CCDC146: variants seen among roughly 807,000 people sequenced by gnomAD.
The protein encoded by CCDC146 is coiled-coil domain-containing protein 146.
A neutral mutation model predicts 119.3 loss-of-function variants in CCDC146; 92 were observed. The observed-to-expected ratio is 0.77, with a 90% confidence interval of 0.65 to 0.92. The LOEUF is 0.92. Among genes scored for constraint, CCDC146 ranks in the 40% least tolerant of loss-of-function variants. CCDC146 has a pLI of 0.00. For missense variants in CCDC146, 1,000 were observed against 1,103.0 expected (o/e 0.91, Z 1.32); for synonymous variants, 372 against 371.8 (o/e 1.00, Z -0.01).
chr7:77,149,110 G>C (rs2117440836), intron 1 of CCDC146, among the ~76,000 whole-genome samples: 1 of 152,256 alleles, frequency 6.6e-6, no homozygotes, highest in Middle Eastern at 3.4e-3. Context: ...AAACAGCATG[G>C]TACTGGCACC....
intron 1 of CCDC146, among the ~76,000 whole-genome samples, chr7:77,151,900 G>C (rs1476012835): frequency 1.3e-5 from 2 of 152,136 alleles, no homozygotes; most frequent in African/African-American, 4.8e-5. Context: ...TTTCATCCCA[G>C]TTTCAAGGAC....
rs374363890 is a variant in CCDC146, at chr7:77,286,818, A to G, written c.2169A>G (p.Arg723=). The G allele has an allele frequency of 6.2e-7, 1 of 1,613,838 alleles. No homozygotes were observed. Among genetic ancestry groups the G allele is most frequent in the Non-Finnish European group, 8.5e-7 (1 of 1,179,710 alleles). ...LQIQFSQCTD[R]IKDLEKQFVK... ...AATAGTTTTCACAGTGTACAGACAG[A>G]ATTAAAGACCTGGAGAAACAGTTCG... Residue 723 remains arginine, a synonymous_variant, in exon 16 of 19, where the codon AGA becomes AGG. Coordinates refer to ENST00000285871, the MANE Select transcript of CCDC146 (RefSeq NM_020879.3).
rs548007602 is a variant in CCDC146 at position 77,176,388 on chromosome 7, A to G, written c.156+8564A>G. On this transcript the variant is annotated intron_variant, in intron 2 of 18. Coordinates refer to ENST00000285871, the MANE Select transcript of CCDC146 (RefSeq NM_020879.3). ...ATACATTTAGGAGAGATGTTAAGGAAGTATAAAATTCTATAGACTTAGTGT... is the reference window on the plus strand; with the variant it reads ...ATACATTTAGGAGAGATGTTAAGGAGGTATAAAATTCTATAGACTTAGTGT... 3.6e-4 allele frequency among the ~76,000 whole-genome samples: 54 copies of G among 151,334 alleles called. 1 individual carries two copies. The highest frequency in any genetic ancestry group is 6.8e-3 in the Middle Eastern group (2 of 294).
chr7:77,227,867 C>T (rs919916765), intron 2 of CCDC146, among the ~76,000 whole-genome samples: 2 of 152,144 alleles, frequency 1.3e-5, no homozygotes, highest in African/African-American at 4.8e-5. Flanking sequence ...AACATAAAAG[C>T]AGCACATTCT....
At chr7:77,229,680 G>T (rs1245286868) in intron 2 of CCDC146, among the ~76,000 whole-genome samples, 2 of 152,130 alleles carry the variant, frequency 1.3e-5, no homozygotes, top group Admixed American at 6.5e-5. Context: ...AAAATTTTAA[G>T]CATGAGTTAG....
intron 17 of CCDC146, among the ~76,000 whole-genome samples, chr7:77,288,511 C>T (rs1355464006): frequency 6.6e-6 from 1 of 152,228 alleles, no homozygotes; most frequent in Admixed American, 6.5e-5. Context: ...TCACTCCTTC[C>T]TCAGTCTACC....
chr7:77,254,514 A>G lies in CCDC146; in HGVS notation c.458A>G (p.Glu153Gly). Reference sequence around the variant, plus strand: ...ATTTTTTTTTTTTGCAGCTTAAAGGAAGAAAAAATCATCATAGTAAAAGAA... The same window carrying G: ...ATTTTTTTTTTTTGCAGCTTAAAGGGAGAAAAAATCATCATAGTAAAAGAA... ...HNQYRLNSLK[E>G]EKIIIVKEFE... The change falls in exon 5 of 19, where the codon GAA becomes GGA. Residue 153 changes from glutamate (E) to glycine (G), a missense_variant. Coordinates refer to ENST00000285871, the MANE Select transcript of CCDC146 (RefSeq NM_020879.3). 6.5e-7 allele frequency: 1 copy of G among 1,529,922 alleles called. No homozygotes were observed. Among genetic ancestry groups the G allele is most frequent in the Non-Finnish European group, 9.0e-7 (1 of 1,110,776 alleles). The allele number at this position is 1,529,922 out of a possible 1,614,324, so 94.8% of individuals were successfully genotyped here.
At position 77,286,934 on chromosome 7, in the gene CCDC146, T is replaced by C; in HGVS notation, c.2277+8T>C. 2 of 1,613,946 alleles carry C rather than the reference T, an allele frequency of 1.2e-6. No individual in the cohort carries two copies. The highest frequency in any genetic ancestry group is 1.7e-6 in the Non-Finnish European group (2 of 1,179,906). Reference sequence around the variant, plus strand: ...ATCCAAAAATTAGACAAGGTAAACATTATTGCTTAAAATTGCATCTGTTAG... The same window carrying C: ...ATCCAAAAATTAGACAAGGTAAACACTATTGCTTAAAATTGCATCTGTTAG... On this transcript the variant is annotated splice_region_variant and intron_variant, in intron 16 of 18. Transcript: ENST00000285871.
At chr7:77,234,457 G>A (rs1057387403) in intron 2 of CCDC146, among the ~76,000 whole-genome samples, 4 of 152,256 alleles carry the variant, frequency 2.6e-5, no homozygotes, top group East Asian at 1.9e-4. Flanking sequence ...CAAATAGACC[G>A]GGCGCAGTGG....
At chr7:77,251,870 C>T (rs996658808) in intron 4 of CCDC146, among the ~76,000 whole-genome samples, 2 of 152,160 alleles carry the variant, frequency 1.3e-5, no homozygotes, top group African/African-American at 2.4e-5. Flanking sequence ...GATCCATGGC[C>T]GGGCGCAGTG....
chr7:77,293,799 G>A (rs1436841785), intron 18 of CCDC146, among the ~76,000 whole-genome samples: 1 of 152,144 alleles, frequency 6.6e-6, no homozygotes, highest in Non-Finnish European at 1.5e-5. Context: ...CTGGAATTAG[G>A]CATCTCTTTC....
chr7:77,249,805 G>C (rs529885360), intron 4 of CCDC146, among the ~76,000 whole-genome samples: 34 of 152,216 alleles, frequency 2.2e-4, no homozygotes, highest in African/African-American at 7.9e-4. Flanking sequence ...CATTTAAAAT[G>C]ATTACTGTTG....
At chr7:77,130,742 G>A (rs1790772413) in intron 1 of CCDC146, among the ~76,000 whole-genome samples, 1 of 149,744 alleles carries the variant, frequency 6.7e-6, no homozygotes, top group Non-Finnish European at 1.5e-5. Flanking sequence ...GGGACTACAG[G>A]CGCGCGCCAC....
intron 2 of CCDC146, among the ~76,000 whole-genome samples, chr7:77,203,708 G>A (rs766248102): frequency 2.0e-5 from 3 of 152,066 alleles, no homozygotes; most frequent in South Asian, 2.1e-4. Context: ...TCCTAGTATC[G>A]GCTGCTTATT....
chr7:77,185,580 C>G (rs1480454412), intron 2 of CCDC146, among the ~76,000 whole-genome samples: 5 of 152,044 alleles, frequency 3.3e-5, no homozygotes, highest in African/African-American at 9.7e-5. Context: ...ATGACAATAC[C>G]CAAGTTCTCT....
At chr7:77,203,545 G>T (rs1792033127) in intron 2 of CCDC146, among the ~76,000 whole-genome samples, 1 of 152,060 alleles carries the variant, frequency 6.6e-6, no homozygotes, top group Non-Finnish European at 1.5e-5. Flanking sequence ...GAAAAGGGAG[G>T]GTTTCAAGCA....
At chr7:77,282,196 G>C (rs1028274682) in intron 14 of CCDC146, 1 of 194,980 alleles carries the variant, frequency 5.1e-6, no homozygotes, top group African/African-American at 2.3e-5. Context: ...CCAGGCCTTG[G>C]TTGGCAAGTC....
rs1402138482 is a variant in CCDC146, at chr7:77,241,248, G to A, written c.240-443G>A. On this transcript the variant is annotated intron_variant, in intron 3 of 18. Coordinates refer to ENST00000285871, the MANE Select transcript of CCDC146 (RefSeq NM_020879.3). ...AATTTTTTGTATTTTTAGTAGAGAC[G>A]GGGTTTCACTGTGTTAGCCAGAACG... is the stretch of plus-strand genomic sequence containing the variant. Among the ~76,000 whole-genome samples, 5 of 54,304 alleles carry A rather than the reference G, an allele frequency of 9.2e-5. 2 individuals carry two copies. Among genetic ancestry groups the A allele is most frequent in the Non-Finnish European group, 1.3e-4 (2 of 15,616 alleles). 35.6% of individuals were successfully genotyped at this position (54,304 alleles called of 152,430 possible).
chr7:77,193,479 TAAAAG>T (rs1208804411), intron 2 of CCDC146: 5 of 152,198 alleles, frequency 3.3e-5, no homozygotes, highest in East Asian at 3.8e-4. Context: ...TAATTATACA[TAAAAG>T]AAAAGAATTT....
Sources: allele counts gnomAD v4.1 joint callset (sites outside exome capture counted in the v4.1 genomes callset), GRCh38; gene constraint gnomAD v4.1.1; transcripts MANE v1.5; gene names NCBI Gene and HGNC (gene_info 2026-07-23, HGNC 2026-07-21).